Variants in PTPRK observed in about 807,000 individuals in gnomAD.
PTPRK encodes receptor-type tyrosine-protein phosphatase kappa.
In PTPRK, 75 loss-of-function variants were observed where a neutral mutation model predicts 178.0. The ratio of observed to expected loss-of-function variants is 0.42; its 90% CI spans 0.35 to 0.51. The LOEUF is 0.51. Among genes scored for constraint, PTPRK ranks in the 20% least tolerant of loss-of-function variants. PTPRK has a pLI of 0.02. For missense variants in PTPRK, 1,441 were observed against 1,797.8 expected, an observed-to-expected ratio of 0.80 and a Z score of 3.59; for synonymous variants, 637 against 620.6, an observed-to-expected ratio of 1.03 and a Z score of -0.39.
chr6:128,328,373 ATTAG>A (rs1829845590), intron 2 of PTPRK, among the ~76,000 whole-genome samples: 1 of 152,196 alleles, frequency 6.6e-6, no homozygotes, highest in East Asian at 1.9e-4. Flanking sequence ...TTGTTACTTG[ATTAG>A]TTAGATTACC....
At chr6:128,441,802 T>C (rs986359104) in intron 1 of PTPRK, among the ~76,000 whole-genome samples, 4 of 152,202 alleles carry the variant, frequency 2.6e-5, no homozygotes, top group Non-Finnish European at 5.9e-5. Context: ...TTGGTCACTA[T>C]TGCAGTAATA....
intron 13 of PTPRK, chr6:128,062,613 A>G (rs1198061342): frequency 1.8e-5 from 3 of 167,136 alleles, no homozygotes; most frequent in Non-Finnish European, 4.4e-5. Context: ...AATTATTAGC[A>G]TAATGATAAG....
chr6:128,302,346 C>T (rs1451629340), intron 3 of PTPRK, among the ~76,000 whole-genome samples: 1 of 142,490 alleles, frequency 7.0e-6, no homozygotes, highest in Admixed American at 7.4e-5. Flanking sequence ...GAGCCAAGAT[C>T]GCACCACTGC....
At chr6:128,321,873 G>C (rs971156678) in intron 3 of PTPRK, 166 bp downstream of exon 3, 15 of 859,892 alleles carry the variant, frequency 1.7e-5, no homozygotes, top group Non-Finnish European at 2.8e-5. Flanking sequence ...TCATTACCAT[G>C]GGATGCATAT....
At chr6:128,459,950 G>A (rs1373072655) in intron 1 of PTPRK, among the ~76,000 whole-genome samples, 1 of 152,118 alleles carries the variant, frequency 6.6e-6, no homozygotes, top group Non-Finnish European at 1.5e-5. Context: ...CATCTCACAT[G>A]GCAGGAGCAG....
intron 3 of PTPRK, among the ~76,000 whole-genome samples, chr6:128,308,617 G>T (rs1182850380): frequency 6.6e-6 from 1 of 152,078 alleles, no homozygotes; most frequent in Non-Finnish European, 1.5e-5. Flanking sequence ...ATAAGGACTT[G>T]GGAAAAGTCA....
At chr6:128,370,858 T>C (rs138111477) in intron 2 of PTPRK, among the ~76,000 whole-genome samples, 1 of 152,306 alleles carries the variant, frequency 6.6e-6, no homozygotes, top group African/African-American at 2.4e-5. Context: ...ATTTTAAATA[T>C]TTGGTTCCAA....
intron 7 of PTPRK, among the ~76,000 whole-genome samples, chr6:128,124,499 T>G (rs1291682679): frequency 6.6e-6 from 1 of 152,174 alleles, no homozygotes; most frequent in Admixed American, 6.5e-5. Flanking sequence ...ACACATCCTT[T>G]TGGGGGGTCA....
At chr6:128,240,629 A>T (rs77463221) in intron 4 of PTPRK, among the ~76,000 whole-genome samples, 11,630 of 151,974 alleles carry the variant, frequency 0.077, 607 homozygotes, top group Non-Finnish European at 0.11. Flanking sequence ...ATCTTTTTTT[A>T]AAAAAAACAT....
In PTPRK at chr6:127,983,361, T is replaced by C. The variant is rs1221941376; in HGVS notation, c.3268A>G (p.Thr1090Ala). ...ATGTCAATCACAATGTAGCAGCCAGTTCGTCCAGCACCAGCACTGAAAAAC... is the reference window on the plus strand; with the variant it reads ...ATGTCAATCACAATGTAGCAGCCAGCTCGTCCAGCACCAGCACTGAAAAAC... ...VVHCSAGAGR[T>A]GCYIVIDIML... The change falls in exon 23 of 30, where the codon ACT (threonine) becomes GCT (alanine). Residue 1090 changes from threonine (T) to alanine (A), a missense_variant. By Grantham distance (58) the Thr-to-Ala change is moderately conservative (BLOSUM62 0). This residue lies in a region of PTPRK where 335 missense variants were observed against 512.4 expected (regional missense o/e 0.65). Coordinates refer to ENST00000368226, the MANE Select transcript of PTPRK (RefSeq NM_002844.4). 6.2e-7 allele frequency: 1 copy of C among 1,613,588 alleles called. No individual in the cohort carries two copies. The highest frequency in any genetic ancestry group is 8.5e-7 in the Non-Finnish European group (1 of 1,179,776).
intron 3 of PTPRK, among the ~76,000 whole-genome samples, chr6:128,243,748 T>A (rs76812651): frequency 0.032 from 4,811 of 152,170 alleles, 273 homozygotes; most frequent in African/African-American, 0.11. Context: ...AAAACAGATT[T>A]AGCATTCAGC....
At chr6:128,258,165 A>G (rs183839093) in intron 3 of PTPRK, among the ~76,000 whole-genome samples, 2 of 152,264 alleles carry the variant, frequency 1.3e-5, no homozygotes, top group East Asian at 3.9e-4. Flanking sequence ...TCTCTTTAAG[A>G]AATAAGGCCT....
chr6:128,336,619 G>A (rs1830971853), intron 2 of PTPRK, among the ~76,000 whole-genome samples: 1 of 152,180 alleles, frequency 6.6e-6, no homozygotes, highest in African/African-American at 2.4e-5. Flanking sequence ...CAAGCATACA[G>A]ACAGGATCAA....
intron 7 of PTPRK, among the ~76,000 whole-genome samples, chr6:128,096,637 A>G (rs1203915336): frequency 1.3e-5 from 2 of 152,160 alleles, no homozygotes; most frequent in African/African-American, 2.4e-5. Context: ...TAAAAAAAAG[A>G]AAGTTCTTGT....
intron 1 of PTPRK, among the ~76,000 whole-genome samples, chr6:128,508,887 C>T (rs545128893): frequency 2.0e-5 from 3 of 150,386 alleles, no homozygotes; most frequent in East Asian, 3.9e-4. Flanking sequence ...GCGGAGGTTG[C>T]GGTGAGCCAA....
In PTPRK at chr6:127,976,776, G is replaced by C; in HGVS notation, c.3850C>G (p.Pro1284Ala). ...ATCCCTTCCTCTGGCCAGTACTGAG[G>C]GCAGCCCTAAATGATGAACGTTTTG... ...LNEVDLSQGC[P>A]QYWPEEGMLR... Residue 1284 changes from proline to alanine, a missense_variant, in exon 27 of 30, where the codon CCT (proline) becomes GCT (alanine). Physicochemically the swap from Pro to Ala is conservative, Grantham distance 27. Coordinates refer to ENST00000368226, the MANE Select transcript of PTPRK (RefSeq NM_002844.4). 6.2e-7 allele frequency: 1 copy of C among 1,613,444 alleles called. No homozygotes were observed.
At chr6:128,388,498 C>G (rs1839093595) in intron 2 of PTPRK, among the ~76,000 whole-genome samples, 1 of 152,140 alleles carries the variant, frequency 6.6e-6, no homozygotes, top group Admixed American at 6.6e-5. Flanking sequence ...ATTACTTGCA[C>G]TGGAAAAGGC....
At chr6:128,170,393 T>G (rs1800061163) in intron 7 of PTPRK, among the ~76,000 whole-genome samples, 1 of 152,068 alleles carries the variant, frequency 6.6e-6, no homozygotes, top group African/African-American at 2.4e-5. Context: ...AGACAATGAT[T>G]AAAACAACAA....
chr6:128,169,580 T>C (rs1460477191), intron 7 of PTPRK, among the ~76,000 whole-genome samples: 2 of 152,010 alleles, frequency 1.3e-5, no homozygotes, highest in African/African-American at 4.8e-5. Context: ...AAGTATCACA[T>C]AGGGTATTTT....
Sources: allele counts gnomAD v4.1 joint callset (sites outside exome capture counted in the v4.1 genomes callset), GRCh38; gene constraint gnomAD v4.1.1; regional missense constraint gnomAD v4.1.1; transcripts MANE v1.5; gene names NCBI Gene and HGNC (gene_info 2026-07-23, HGNC 2026-07-21).